MYO1D: variants seen among roughly 807,000 people sequenced by gnomAD.
The protein encoded by MYO1D is myosin ID.
Under a neutral mutation model 122.0 loss-of-function variants are expected in MYO1D, and 83 were observed. The observed-to-expected ratio is 0.68, with a 90% confidence interval of 0.57 to 0.82. The LOEUF is 0.82. Ranked by LOEUF, MYO1D falls within the 40% of genes least tolerant of loss-of-function variation. The pLI, the probability that MYO1D is intolerant of heterozygous loss-of-function variation, is 0.00. For missense variants in MYO1D, 1,157 were observed against 1,269.5 expected (o/e 0.91, Z 1.35); for synonymous variants, 464 against 446.9 (o/e 1.04, Z -0.48).
intron 1 of MYO1D, among the ~76,000 whole-genome samples, chr17:32,815,720 C>T (rs2090607649): frequency 1.3e-5 from 2 of 152,136 alleles, no homozygotes; most frequent in African/African-American, 4.8e-5. Context: ...TGGCCAATAC[C>T]ACAGGTTAGT....
intron 15 of MYO1D, among the ~76,000 whole-genome samples, chr17:32,719,789 T>C (rs1286539806): frequency 6.6e-6 from 1 of 152,240 alleles, no homozygotes; most frequent in Non-Finnish European, 1.5e-5. Flanking sequence ...AAAATCTAAA[T>C]AGTTTAGTCT....
chr17:32,876,184 G>T (rs2091226689), intron 1 of MYO1D, among the ~76,000 whole-genome samples: 1 of 151,968 alleles, frequency 6.6e-6, no homozygotes, highest in African/African-American at 2.4e-5. Context: ...CGTTTAGAGA[G>T]TAACTAAAAA....
chr17:32,831,407 T>A (rs2090770480), intron 1 of MYO1D, among the ~76,000 whole-genome samples: 1 of 152,222 alleles, frequency 6.6e-6, no homozygotes, highest in Non-Finnish European at 1.5e-5. Context: ...ATGAATTTAT[T>A]TCACTTTTGT....
chr17:32,542,764 G>A (rs1343198101), intron 21 of MYO1D, among the ~76,000 whole-genome samples: 1 of 152,102 alleles, frequency 6.6e-6, no homozygotes, highest in Non-Finnish European at 1.5e-5. Context: ...TATAAGCACA[G>A]TCCAGTGAGG....
chr17:32,861,759 T>C (rs938911331), intron 1 of MYO1D, among the ~76,000 whole-genome samples: 12 of 152,178 alleles, frequency 7.9e-5, no homozygotes, highest in Admixed American at 6.5e-5. Flanking sequence ...GGTTCACACC[T>C]GTAATTCCAA....
At chr17:32,662,366 C>G (rs1019684543) in intron 16 of MYO1D, among the ~76,000 whole-genome samples, 4 of 152,194 alleles carry the variant, frequency 2.6e-5, no homozygotes, top group African/African-American at 9.7e-5. Flanking sequence ...TTTTCAAATC[C>G]TGGTCCCACT....
At chr17:32,766,092 C>T (rs59241054) in intron 7 of MYO1D, among the ~76,000 whole-genome samples, 65,948 of 151,746 alleles carry the variant, frequency 0.43, 14,901 homozygotes, top group East Asian at 0.72. Context: ...GCCATGTTGC[C>T]CAGGCTGGTC....
At chr17:32,799,816 C>G (rs2090445957) in intron 1 of MYO1D, among the ~76,000 whole-genome samples, 1 of 151,984 alleles carries the variant, frequency 6.6e-6, no homozygotes, top group African/African-American at 2.4e-5. Context: ...GGCTAATATC[C>G]ATAATATATA....
intron 20 of MYO1D, among the ~76,000 whole-genome samples, chr17:32,606,568 C>A (rs978390976): frequency 5.3e-5 from 8 of 152,082 alleles, no homozygotes; most frequent in Non-Finnish European, 4.4e-5. Flanking sequence ...AAGGTAATGA[C>A]AGAATAAAAT....
At chr17:32,799,083 C>A (rs767932806) in intron 1 of MYO1D, among the ~76,000 whole-genome samples, 1 of 152,132 alleles carries the variant, frequency 6.6e-6, no homozygotes, top group Non-Finnish European at 1.5e-5. Context: ...CCAGCCAGTC[C>A]TTTTCCACTT....
chr17:32,610,968 T>C (rs2087693400), intron 20 of MYO1D, among the ~76,000 whole-genome samples: 1 of 152,202 alleles, frequency 6.6e-6, no homozygotes, highest in Non-Finnish European at 1.5e-5. Context: ...ATGATAAATC[T>C]AAGCCTTCCC....
intron 21 of MYO1D, chr17:32,495,682 G>A (rs1909071117): frequency 6.6e-6 from 1 of 152,424 alleles, no homozygotes; most frequent in African/African-American, 2.4e-5. Context: ...AGCTGCTGCT[G>A]GTTTTAAAAG....
chr17:32,708,477 T>C (rs2150984678), intron 16 of MYO1D, among the ~76,000 whole-genome samples: 1 of 152,324 alleles, frequency 6.6e-6, no homozygotes, highest in East Asian at 1.9e-4. Flanking sequence ...AATCAATTGT[T>C]GGAGATTCTT....
intron 1 of MYO1D, among the ~76,000 whole-genome samples, chr17:32,839,175 A>G (rs994157076): frequency 1.3e-5 from 2 of 152,218 alleles, no homozygotes; most frequent in African/African-American, 2.4e-5. Flanking sequence ...AAGCAAAAGC[A>G]AAAAGGACTA....
At chr17:32,519,819 C>A (rs1316252122) in intron 21 of MYO1D, among the ~76,000 whole-genome samples, 2 of 150,704 alleles carry the variant, frequency 1.3e-5, no homozygotes, top group East Asian at 3.9e-4. Flanking sequence ...GGTACAGGAT[C>A]AATATAAGAC....
chr17:32,595,848 T>G (rs2150907547), intron 21 of MYO1D, among the ~76,000 whole-genome samples: 1 of 151,954 alleles, frequency 6.6e-6, no homozygotes, highest in Non-Finnish European at 1.5e-5. Context: ...GGGGAAAGAT[T>G]AGGGGGGTTT....
intron 19 of MYO1D, among the ~76,000 whole-genome samples, chr17:32,645,560 C>T (rs1195002182): frequency 6.6e-6 from 1 of 152,156 alleles, no homozygotes; most frequent in Non-Finnish European, 1.5e-5. Flanking sequence ...GAGATTTGGT[C>T]TTTTCACACA....
At chr17:32,856,123 C>G (rs2091025935) in intron 1 of MYO1D, among the ~76,000 whole-genome samples, 1 of 151,984 alleles carries the variant, frequency 6.6e-6, no homozygotes, top group Non-Finnish European at 1.5e-5. Flanking sequence ...GTATAGACCA[C>G]ACAGCAGCTA....
rs74969221 is a variant in MYO1D at position 32,868,385 on chromosome 17, C to A, written c.95+8393G>T. ...AGTCACACAGGTGGTAGTAAAGGAA[C>A]AAAGACAAGATTAAGGTCCAGATTT... On this transcript the variant is annotated intron_variant, in intron 1 of 21. Transcript: ENST00000318217. Among the ~76,000 whole-genome samples, 1,296 of 152,288 alleles carry A rather than the reference C, an allele frequency of 8.5e-3. 10 individuals carry two copies. Among genetic ancestry groups the A allele is most frequent in the Non-Finnish European group, 0.012 (845 of 68,004 alleles).
Sources: gnomAD v4.1 joint callset for allele counts (sites outside exome capture counted in the v4.1 genomes callset) on GRCh38, gnomAD v4.1.1 for gene constraint, MANE v1.5 for transcripts, NCBI Gene and HGNC (gene_info 2026-07-23, HGNC 2026-07-21) for gene names.